The following MDGA2 variants were observed in gnomAD, a reference collection of about 807,000 sequenced individuals.
The protein encoded by MDGA2 is MAM domain-containing glycosylphosphatidylinositol anchor protein 2.
MDGA2 carries 40 observed loss-of-function variants against 117.8 expected under a neutral mutation model. That is an observed-to-expected ratio of 0.34 (90% CI 0.26 to 0.44). The LOEUF (loss-of-function observed/expected upper bound fraction) is 0.44, where lower values mean the gene tolerates loss of function less well. MDGA2 is among the 20% of genes least tolerant of loss of function. The probability of loss-of-function intolerance (pLI) is 1.00; values close to 1 mark genes in which losing one functional copy is unlikely to be tolerated. For missense variants in MDGA2, 1,123 were observed against 1,250.6 expected (o/e 0.90, Z 1.54); for synonymous variants, 452 against 439.0 (o/e 1.03, Z -0.37).
At chr14:47,401,903 A>G (rs1358288967) in intron 1 of MDGA2, among the ~76,000 whole-genome samples, 1 of 152,224 alleles carries the variant, frequency 6.6e-6, no homozygotes, top group Non-Finnish European at 1.5e-5. Flanking sequence ...CAAGGGGTTG[A>G]CAGATGAGAG....
At chr14:47,259,607 A>C (rs1312220247) in intron 2 of MDGA2, among the ~76,000 whole-genome samples, 1 of 152,068 alleles carries the variant, frequency 6.6e-6, no homozygotes, top group Non-Finnish European at 1.5e-5. Context: ...ATTATTTGAC[A>C]ACCCACAGTA....
intron 1 of MDGA2, among the ~76,000 whole-genome samples, chr14:47,490,276 G>A (rs1894142392): frequency 6.6e-6 from 1 of 152,022 alleles, no homozygotes; most frequent in Non-Finnish European, 1.5e-5. Flanking sequence ...CAGAAAAGTT[G>A]AACTCTACTG....
At chr14:46,990,046 C>T (rs1887025116) in intron 8 of MDGA2, among the ~76,000 whole-genome samples, 1 of 152,016 alleles carries the variant, frequency 6.6e-6, no homozygotes, top group Non-Finnish European at 1.5e-5. Context: ...TACAATGTTC[C>T]TAAGAGTTCA....
intron 8 of MDGA2, among the ~76,000 whole-genome samples, chr14:47,023,364 G>C (rs1309377326): frequency 2.6e-5 from 4 of 152,056 alleles, no homozygotes; most frequent in African/African-American, 9.7e-5. Context: ...TGGAAAAGCA[G>C]GGAAGAATTC....
intron 1 of MDGA2, among the ~76,000 whole-genome samples, chr14:47,472,528 C>T (rs990289799): frequency 6.6e-6 from 1 of 152,152 alleles, no homozygotes; most frequent in Non-Finnish European, 1.5e-5. Context: ...CGTGGGACCA[C>T]AAGCAGACCT....
chr14:47,409,965 T>C (rs1892337665), intron 1 of MDGA2, among the ~76,000 whole-genome samples: 2 of 152,198 alleles, frequency 1.3e-5, no homozygotes, highest in African/African-American at 4.8e-5. Flanking sequence ...GTGAAGTATG[T>C]ACGATAACTG....
intron 1 of MDGA2, among the ~76,000 whole-genome samples, chr14:47,458,852 G>A (rs1281090109): frequency 6.6e-6 from 1 of 151,302 alleles, no homozygotes; most frequent in Non-Finnish European, 1.5e-5. Context: ...CTTGTCCTCT[G>A]GGACTGAAAG....
chr14:46,986,119 T>C (rs561802855), intron 8 of MDGA2, among the ~76,000 whole-genome samples: 1 of 152,112 alleles, frequency 6.6e-6, no homozygotes, highest in South Asian at 2.1e-4. Context: ...AGGTAGTAAC[T>C]AGTATACTAC....
At chr14:47,342,257 TA>T (rs1198111008) in intron 1 of MDGA2, among the ~76,000 whole-genome samples, 5 of 294 alleles carry the variant, frequency 0.017, no homozygotes, top group East Asian at 0.042. Flanking sequence ...ACAAAATGTT[TA>T]TATATATATA....
chr14:47,443,550 AT>A (rs1188921907), intron 1 of MDGA2, among the ~76,000 whole-genome samples: 1 of 152,186 alleles, frequency 6.6e-6, no homozygotes, highest in Non-Finnish European at 1.5e-5. Flanking sequence ...CTATATAAAT[AT>A]TCATTGTTCT....
intron 2 of MDGA2, among the ~76,000 whole-genome samples, chr14:47,232,960 C>T (rs188846276): frequency 1.8e-4 from 28 of 152,234 alleles, no homozygotes; most frequent in Admixed American, 5.9e-4. Context: ...GAAAACATTA[C>T]TTGGTACTAT....
intron 1 of MDGA2, among the ~76,000 whole-genome samples, chr14:47,469,773 G>A (rs1022784521): frequency 2.0e-5 from 3 of 152,118 alleles, no homozygotes; most frequent in African/African-American, 7.2e-5. Flanking sequence ...CCCACCAACA[G>A]TGTAAAAGTG....
At chr14:47,314,662 C>T (rs1889750450) in intron 1 of MDGA2, among the ~76,000 whole-genome samples, 1 of 150,646 alleles carries the variant, frequency 6.6e-6, no homozygotes, top group Non-Finnish European at 1.5e-5. Flanking sequence ...TGGGTGACAG[C>T]AAGATTCTGT....
chr14:47,060,162 C>G (rs2138779390), intron 7 of MDGA2, among the ~76,000 whole-genome samples: 1 of 152,098 alleles, frequency 6.6e-6, no homozygotes, highest in Non-Finnish European at 1.5e-5. Flanking sequence ...AACACAAGTA[C>G]TTTTCATCAC....
At chr14:47,022,672 G>A (rs906090137) in intron 8 of MDGA2, among the ~76,000 whole-genome samples, 1 of 152,106 alleles carries the variant, frequency 6.6e-6, no homozygotes, top group Admixed American at 6.5e-5. Flanking sequence ...ATAGCAGGGG[G>A]GAAATGATAT....
chr14:47,367,193 T>C (rs1356940329), intron 1 of MDGA2, among the ~76,000 whole-genome samples: 2 of 152,206 alleles, frequency 1.3e-5, no homozygotes, highest in Non-Finnish European at 2.9e-5. Flanking sequence ...CCATTAACTC[T>C]TATGAGTAAT....
At chr14:47,515,785 G>GTATA (rs1294280821) in intron 1 of MDGA2, among the ~76,000 whole-genome samples, 2 of 152,126 alleles carry the variant, frequency 1.3e-5, no homozygotes, top group Admixed American at 6.6e-5. Context: ...GACTGTACAG[G>GTATA]TATAAATACC....
chr14:47,468,418 C>T (rs990531997), intron 1 of MDGA2, among the ~76,000 whole-genome samples: 2 of 152,084 alleles, frequency 1.3e-5, no homozygotes, highest in Non-Finnish European at 2.9e-5. Flanking sequence ...AATTATTTGT[C>T]CCTGTGTGCT....
chr14:47,511,410 G>A (rs142665949), intron 1 of MDGA2, among the ~76,000 whole-genome samples: 1 of 151,988 alleles, frequency 6.6e-6, no homozygotes, highest in East Asian at 1.9e-4. Context: ...CACATAAGAG[G>A]TTCTTGTATT....
Sources: allele counts gnomAD v4.1 joint callset (sites outside exome capture counted in the v4.1 genomes callset), GRCh38; gene constraint gnomAD v4.1.1; transcripts MANE v1.5; gene names NCBI Gene and HGNC (gene_info 2026-07-23, HGNC 2026-07-21).